Variants in LUC7L observed in about 807,000 individuals in gnomAD.
LUC7L encodes LUC7 like.
LUC7L carries 29 observed loss-of-function variants against 51.1 expected under a neutral mutation model. That is an observed-to-expected ratio of 0.57 (90% CI 0.42 to 0.77). LUC7L has a LOEUF of 0.77. Among genes scored for constraint, LUC7L ranks in the 30% least tolerant of loss-of-function variants. LUC7L has a pLI of 0.00. For synonymous variants in LUC7L, 181 were observed against 180.7 expected, an observed-to-expected ratio of 1.00 and a Z score of -0.01; for missense variants, 403 against 511.9, an observed-to-expected ratio of 0.79 and a Z score of 2.05.
chr16:211,801 A>C (rs1038331201), intron 3 of LUC7L, among the ~76,000 whole-genome samples: 1 of 152,194 alleles, frequency 6.6e-6, no homozygotes, highest in Admixed American at 6.6e-5. Context: ...GGACAATATC[A>C]GCACACGTCA....
chr16:189,318 G>C lies in LUC7L; in HGVS notation c.996C>G (p.Ser332=), dbSNP rs757192434. ...AKYKFSRERA[S]REESWESGRS... Reference sequence around the variant, plus strand: ...GCCCGCTCTCCCAGGACTCCTCTCTGGATGCCCGCTCTCTGGAGAACCTGG... The same window carrying C: ...GCCCGCTCTCCCAGGACTCCTCTCTCGATGCCCGCTCTCTGGAGAACCTGG... Residue 332 remains serine, a synonymous_variant, in exon 10 of 10, where the codon TCC becomes TCG. Transcript: ENST00000293872. 6.2e-7 allele frequency: 1 copy of C among 1,611,996 alleles called. No homozygotes were observed. Among genetic ancestry groups the C allele is most frequent in the South Asian group, 1.1e-5 (1 of 90,858 alleles).
intron 1 of LUC7L, 193 bp downstream of exon 1, chr16:229,086 C>A (rs550337104): frequency 7.1e-7 from 1 of 1,412,596 alleles, no homozygotes; most frequent in Non-Finnish European, 9.2e-7. Context: ...GGAGCCCGAC[C>A]TGGACCCACG....
intron 6 of LUC7L, among the ~76,000 whole-genome samples, chr16:193,510 A>AT (rs199999884): frequency 4.7e-5 from 7 of 150,416 alleles, no homozygotes; most frequent in East Asian, 2.0e-4. Flanking sequence ...TTATCATTAC[A>AT]TTTTTTTTTC....
intron 5 of LUC7L, among the ~76,000 whole-genome samples, chr16:201,518 C>T (rs1432075175): frequency 6.6e-6 from 1 of 151,720 alleles, no homozygotes; most frequent in African/African-American, 2.4e-5. Flanking sequence ...CAGCTCACTA[C>T]AAGCTCTGCC....
intron 5 of LUC7L, among the ~76,000 whole-genome samples, chr16:199,657 G>A (rs71378503): frequency 3.3e-5 from 5 of 150,998 alleles, no homozygotes; most frequent in Non-Finnish European, 7.4e-5. Flanking sequence ...TGTAATCCCA[G>A]CTATTCTGGA....
At chr16:216,804 G>C (rs910786770) in intron 3 of LUC7L, among the ~76,000 whole-genome samples, 2 of 152,056 alleles carry the variant, frequency 1.3e-5, no homozygotes, top group Non-Finnish European at 2.9e-5. Flanking sequence ...AAAGGTCTCT[G>C]ACCTGTTCTA....
rs867955078 is a variant in LUC7L at position 205,826 on chromosome 16, T to C, written c.510+178A>G. Among the ~76,000 whole-genome samples the C allele has an allele frequency of 1.6e-4, 24 of 152,302 alleles. 1 individual carries two copies. The highest frequency in any genetic ancestry group is 6.8e-3 in the Middle Eastern group (2 of 294). On this transcript the variant is annotated intron_variant, in intron 5 of 9. Transcript: ENST00000293872. ...AGGATGGTCTTATCTCCTGACCTCG[T>C]GATCCGCCCGCCTCGGCCTTCCAAA...
At chr16:212,594 T>C (rs1227350073) in intron 3 of LUC7L, among the ~76,000 whole-genome samples, 2 of 152,104 alleles carry the variant, frequency 1.3e-5, no homozygotes, top group Non-Finnish European at 2.9e-5. Context: ...GAAAACTACA[T>C]ACAATCAGAA....
chr16:220,480 C>A, intron 3 of LUC7L, 169 bp downstream of exon 3: 1 of 592,454 alleles, frequency 1.7e-6, no homozygotes, highest in Non-Finnish European at 3.0e-6. Flanking sequence ...GGACGCTGGA[C>A]ACAACATATA....
At chr16:192,094 C>T (rs1436345578) in intron 7 of LUC7L, among the ~76,000 whole-genome samples, 1 of 152,086 alleles carries the variant, frequency 6.6e-6, no homozygotes, top group Non-Finnish European at 1.5e-5. Context: ...AGCCTTCCAA[C>T]CTCACCAAGC....
At chr16:207,500 A>G (rs934563287) in intron 4 of LUC7L, among the ~76,000 whole-genome samples, 1 of 152,212 alleles carries the variant, frequency 6.6e-6, no homozygotes, top group Non-Finnish European at 1.5e-5. Flanking sequence ...GACTACAAGC[A>G]TAAGCCACCA....
chr16:193,691 C>T (rs1408212390), intron 6 of LUC7L, among the ~76,000 whole-genome samples: 2 of 151,988 alleles, frequency 1.3e-5, no homozygotes, highest in Non-Finnish European at 2.9e-5. Flanking sequence ...GACGGGGTTT[C>T]ACCATGTTGG....
chr16:223,691 G>A (rs1430589023), intron 2 of LUC7L, among the ~76,000 whole-genome samples: 2 of 149,890 alleles, frequency 1.3e-5, no homozygotes, highest in African/African-American at 4.9e-5. Context: ...TTTTTTTGAG[G>A]CGGAGTCTCA....
chr16:227,364 G>A lies in LUC7L; in HGVS notation c.62-28C>T, dbSNP rs368855261. ...GAAATTCATTTGTGGTTTTAAATAA[G>A]ACAATATTATCACATTAACCACCAA... On this transcript the variant is annotated intron_variant, in intron 1 of 9. Coordinates refer to ENST00000293872, the MANE Select transcript of LUC7L (RefSeq NM_201412.3). The A allele has an allele frequency of 8.2e-5, 129 of 1,581,282 alleles. 1 individual carries two copies. The African/African-American group carries it at 1.2e-3, about 15-fold the overall frequency.
chr16:229,232 C>T (rs1279151267), intron 1 of LUC7L, 47 bp downstream of exon 1: 6 of 1,515,646 alleles, frequency 4.0e-6, no homozygotes, highest in South Asian at 2.4e-5. Context: ...GGCGGCCTCG[C>T]CTCACTCCCA....
chr16:198,278 C>CAAAAAA (rs35125597), intron 6 of LUC7L, among the ~76,000 whole-genome samples: 1 of 49,252 alleles, frequency 2.0e-5, no homozygotes, highest in Non-Finnish European at 3.3e-5. Context: ...GACTCCATCT[C>CAAAAAA]AAAAAAAAAA....
At chr16:221,186 A>ATTTTTT (rs372906826) in intron 2 of LUC7L, among the ~76,000 whole-genome samples, 65 of 101,238 alleles carry the variant, frequency 6.4e-4, no homozygotes, top group African/African-American at 1.1e-3. Context: ...CACCCAGCTA[A>ATTTTTT]TTTTTTTTTT....
intron 6 of LUC7L, among the ~76,000 whole-genome samples, chr16:196,104 T>A (rs1331635515): frequency 1.3e-5 from 2 of 149,098 alleles, no homozygotes; most frequent in African/African-American, 4.9e-5. Context: ...TTGCAGATAT[T>A]AAAAAAAAAA....
chr16:202,461 T>C (rs2049362471), intron 5 of LUC7L, among the ~76,000 whole-genome samples: 2 of 152,154 alleles, frequency 1.3e-5, no homozygotes, highest in Non-Finnish European at 2.9e-5. Flanking sequence ...ATTTTTTATC[T>C]TTTATACTGT....
Sources: gnomAD v4.1 joint callset for allele counts (sites outside exome capture counted in the v4.1 genomes callset) on GRCh38, gnomAD v4.1.1 for gene constraint, MANE v1.5 for transcripts, NCBI Gene and HGNC (gene_info 2026-07-23, HGNC 2026-07-21) for gene names.